ELF2: variants seen among roughly 807,000 people sequenced by gnomAD.
ELF2 encodes E74 like ETS transcription factor 2.
A neutral mutation model predicts 54.8 loss-of-function variants in ELF2; 11 were observed. That is an observed-to-expected ratio of 0.20 (90% CI 0.13 to 0.33). The LOEUF (loss-of-function observed/expected upper bound fraction) is 0.33, where lower values mean the gene tolerates loss of function less well. Among genes scored for constraint, ELF2 ranks in the 10% least tolerant of loss-of-function variants. The pLI, the probability that ELF2 is intolerant of heterozygous loss-of-function variation, is 1.00. For synonymous variants in ELF2, 203 were observed against 245.1 expected, an observed-to-expected ratio of 0.83 and a Z score of 1.61; for missense variants, 513 against 703.0, an observed-to-expected ratio of 0.73 and a Z score of 3.06.
rs548285880 is a variant in ELF2 at position 139,156,621 on chromosome 4, TTTGTTG to T, written c.-251-17130_-251-17125del. Among the ~76,000 whole-genome samples, 44 of 138,078 alleles carry T rather than the reference TTTGTTG, an allele frequency of 3.2e-4. No individual in the cohort carries two copies. The East Asian group carries it at 4.5e-3, about 14-fold the overall frequency. The allele number at this position is 138,078 out of a possible 152,430, so 90.6% of individuals were successfully genotyped here. On this transcript the variant is annotated intron_variant, in intron 1 of 9. Coordinates refer to ENST00000686138, the MANE Select transcript of ELF2 (RefSeq NM_001331036.3). ...AGATATATATATATATATTTGTTGT[TTTGTTG>T]TTGTTGTTGTTGTTGTTGCTGTTGT...
chr4:139,071,905 T>C lies in ELF2; in HGVS notation c.487A>G (p.Thr163Ala), dbSNP rs752969234. 5.6e-6 allele frequency: 9 copies of C among 1,608,374 alleles called. No homozygotes were observed. Among genetic ancestry groups the C allele is most frequent in the East Asian group, 4.5e-5 (2 of 44,812 alleles). Residue 163 changes from threonine (T) to alanine (A), a missense_variant, in exon 6 of 10, where the codon ACA becomes GCA. Coordinates refer to ENST00000686138, the MANE Select transcript of ELF2 (RefSeq NM_001331036.3). ...SEPMDTSPIP[T>A]SPDSHEPMKK... ...ATTGGTTCATGGCTATCTGGTGATG[T>C]TGGAATAGGAGAGGTATCCATGGGT...
chr4:139,173,228 T>A (rs1327162121), intron 1 of ELF2, among the ~76,000 whole-genome samples: 1 of 152,152 alleles, frequency 6.6e-6, no homozygotes, highest in African/African-American at 2.4e-5. Context: ...ATATATTTAC[T>A]AAAAATTATT....
At chr4:139,145,046 G>A (rs1739090198) in intron 1 of ELF2, among the ~76,000 whole-genome samples, 1 of 152,222 alleles carries the variant, frequency 6.6e-6, no homozygotes, top group Non-Finnish European at 1.5e-5. Flanking sequence ...GCACTCTTTT[G>A]CAAGCACCAC....
intron 4 of ELF2, among the ~76,000 whole-genome samples, chr4:139,111,346 A>C (rs1734925419): frequency 1.3e-5 from 2 of 149,844 alleles, no homozygotes; most frequent in African/African-American, 2.4e-5. Context: ...CAAATGATCA[A>C]AATGATATAC....
chr4:139,107,576 C>T (rs989819247), intron 4 of ELF2, among the ~76,000 whole-genome samples: 10 of 151,980 alleles, frequency 6.6e-5, no homozygotes, highest in Non-Finnish European at 1.3e-4. Context: ...CAATCAACAG[C>T]TAATAACTAT....
At chr4:139,131,301 C>T (rs78875736) in intron 3 of ELF2, among the ~76,000 whole-genome samples, 23 of 152,224 alleles carry the variant, frequency 1.5e-4, no homozygotes, top group African/African-American at 5.5e-4. Flanking sequence ...ATCTGGCAAC[C>T]CTACTGTAAG....
intron 4 of ELF2, among the ~76,000 whole-genome samples, chr4:139,109,350 G>A (rs1734731351): frequency 1.3e-5 from 2 of 152,198 alleles, no homozygotes; most frequent in African/African-American, 4.8e-5. Flanking sequence ...GCAGCATTAA[G>A]AAGCAGCAGA....
At chr4:139,071,614 G>C (rs1383116536) in intron 6 of ELF2, among the ~76,000 whole-genome samples, 1 of 152,076 alleles carries the variant, frequency 6.6e-6, no homozygotes. Context: ...TCTGCCTTCT[G>C]TGTGTCGAAC....
chr4:139,143,296 A>G (rs1221977848), intron 1 of ELF2, among the ~76,000 whole-genome samples: 1 of 152,176 alleles, frequency 6.6e-6, no homozygotes, highest in Admixed American at 6.5e-5. Flanking sequence ...AATATCAGAG[A>G]TCTGTGCTCT....
Position 139,114,642 on chromosome 4 carries a change from CTT to C in ELF2, c.238+10520_238+10521del, listed in dbSNP as rs59282364. Among the ~76,000 whole-genome samples, 12 of 104,842 alleles carry C rather than the reference CTT, an allele frequency of 1.1e-4. 1 individual carries two copies. The highest frequency in any genetic ancestry group is 5.8e-4 in the East Asian group (2 of 3,422). The allele number at this position is 104,842 out of a possible 152,430, so 68.8% of individuals were successfully genotyped here. On this transcript the variant is annotated intron_variant, in intron 4 of 9. Coordinates refer to ENST00000686138, the MANE Select transcript of ELF2 (RefSeq NM_001331036.3). ...ACTGACATGGATTTTTTTTTTCTTTCTTTTTTTTTTTTTTTTTTGCACCAAAG... is the reference window on the plus strand; with the variant it reads ...ACTGACATGGATTTTTTTTTTCTTTCTTTTTTTTTTTTTTTTGCACCAAAG...
chr4:139,106,321 C>G (rs754978578), intron 4 of ELF2, among the ~76,000 whole-genome samples: 1 of 150,948 alleles, frequency 6.6e-6, no homozygotes, highest in Non-Finnish European at 1.5e-5. Context: ...TTTCAGATCC[C>G]TAGTATGGAT....
chr4:139,062,099 T>C (rs749222800), intron 7 of ELF2, 42 bp from the exon 8 acceptor site: 1 of 1,542,256 alleles, frequency 6.5e-7, no homozygotes, highest in South Asian at 1.2e-5. Flanking sequence ...TTCATTAACA[T>C]AATTAAATAC....
chr4:139,148,094 G>A (rs1362329663), intron 1 of ELF2, among the ~76,000 whole-genome samples: 1 of 78,914 alleles, frequency 1.3e-5, no homozygotes, highest in Non-Finnish European at 2.5e-5. Flanking sequence ...CCAAGACCCT[G>A]TACCTTAAAA....
At chr4:139,154,801 G>A (rs1304217726) in intron 1 of ELF2, among the ~76,000 whole-genome samples, 2 of 152,098 alleles carry the variant, frequency 1.3e-5, no homozygotes, top group African/African-American at 2.4e-5. Context: ...ATGCAGATTC[G>A]CTGAGCTAGA....
At chr4:139,072,126 G>A (rs1729606614) in intron 5 of ELF2, 87 bp from the exon 6 acceptor site, 15 of 1,330,866 alleles carry the variant, frequency 1.1e-5, no homozygotes, top group Non-Finnish European at 1.6e-5. Context: ...GAGGCGAGGT[G>A]TGTTAAGAAT....
chr4:139,175,286 T>A (rs911690626), intron 1 of ELF2, among the ~76,000 whole-genome samples: 1 of 152,240 alleles, frequency 6.6e-6, no homozygotes, highest in Non-Finnish European at 1.5e-5. Flanking sequence ...AGCTGACTAT[T>A]TTGTAAATGA....
intron 3 of ELF2, among the ~76,000 whole-genome samples, chr4:139,131,243 AT>A (rs1255188960): frequency 4.6e-5 from 7 of 152,202 alleles, no homozygotes; most frequent in Admixed American, 6.5e-5. Flanking sequence ...GTAAAAAGTC[AT>A]TTGTTGTTTA....
At chr4:139,167,982 T>C (rs941727213) in intron 1 of ELF2, among the ~76,000 whole-genome samples, 1 of 152,220 alleles carries the variant, frequency 6.6e-6, no homozygotes, top group Non-Finnish European at 1.5e-5. Flanking sequence ...TGCTGGTAAC[T>C]TGACAGAACT....
chr4:139,125,374 A>G (rs1340517039), intron 3 of ELF2, 45 bp from the exon 4 acceptor site: 1 of 1,590,310 alleles, frequency 6.3e-7, no homozygotes, highest in East Asian at 2.2e-5. Flanking sequence ...GTATTTACAA[A>G]TTCTGAATTC....
Sources: gnomAD v4.1 joint callset for allele counts (sites outside exome capture counted in the v4.1 genomes callset) on GRCh38, gnomAD v4.1.1 for gene constraint, MANE v1.5 for transcripts, NCBI Gene and HGNC (gene_info 2026-07-23, HGNC 2026-07-21) for gene names.